The following AGAP4 variants were observed in gnomAD, a reference collection of about 807,000 sequenced individuals.
AGAP4 encodes the protein ArfGAP with GTPase domain, ankyrin repeat and PH domain 4.
A neutral mutation model predicts 60.7 loss-of-function variants in AGAP4; 13 were observed. That is an observed-to-expected ratio of 0.21 (90% confidence interval 0.14 to 0.34). The LOEUF (loss-of-function observed/expected upper bound fraction) is 0.34, where lower values mean the gene tolerates loss of function less well. Among genes scored for constraint, AGAP4 ranks in the 10% least tolerant of loss-of-function variants. The pLI is 1.00. For synonymous variants in AGAP4, 70 were observed against 339.0 expected (o/e 0.21, Z 8.72); for missense variants, 169 against 884.0 (o/e 0.19, Z 10.26).
At chr10:45,850,544 T>C (rs1264760295), upstream of AGAP4, among the ~76,000 whole-genome samples, 1 of 152,130 alleles carries the variant, frequency 6.6e-6, no homozygotes, top group Non-Finnish European at 1.5e-5. Context: ...TGTGTAGTGG[T>C]CTGTATAATA....
At chr10:45,838,039 C>A (rs1418477570) in intron 4 of AGAP4, among the ~76,000 whole-genome samples, 1 of 150,756 alleles carries the variant, frequency 6.6e-6, no homozygotes, top group Non-Finnish European at 1.5e-5. Context: ...GCTCAAATGC[C>A]CGTCAATCAA....
intron 2 of AGAP4, 164 bp from the exon 3 acceptor site, chr10:45,844,558 C>T (rs1590037912): frequency 7.8e-7 from 1 of 1,276,330 alleles, no homozygotes; most frequent in South Asian, 1.5e-5. Context: ...CAAGATGGCA[C>T]ATGCTTGTAG....
At chr10:45,852,238 A>T (rs1208402868), upstream of AGAP4, among the ~76,000 whole-genome samples, 1 of 135,304 alleles carries the variant, frequency 7.4e-6, no homozygotes, top group Non-Finnish European at 1.7e-5. Flanking sequence ...AAAAAAAAAA[A>T]AAAAACTACT....
At chr10:45,848,512 C>T (rs1188731762), upstream of AGAP4, among the ~76,000 whole-genome samples, 1 of 150,562 alleles carries the variant, frequency 6.6e-6, no homozygotes, top group Non-Finnish European at 1.5e-5. Context: ...ACAGTGTCCC[C>T]ACTGTGCTAT....
At chr10:45,831,987 A>G (rs1554897201) in intron 5 of AGAP4, among the ~76,000 whole-genome samples, 1 of 142,138 alleles carries the variant, frequency 7.0e-6, no homozygotes, top group East Asian at 2.1e-4. Context: ...TCGGCTCACC[A>G]CAACCTCTGC....
chr10:45,832,404 G>C (rs1271205971), intron 5 of AGAP4, among the ~76,000 whole-genome samples: 79 of 149,874 alleles, frequency 5.3e-4, no homozygotes, highest in African/African-American at 1.2e-3. Context: ...AGCAGTGGCT[G>C]TCAAACTTTG....
chr10:45,842,594 G>C (rs1395129497), intron 3 of AGAP4, among the ~76,000 whole-genome samples: 1 of 148,882 alleles, frequency 6.7e-6, no homozygotes, highest in Non-Finnish European at 1.5e-5. Context: ...CATGGTGTCT[G>C]CAGCACAAAA....
chr10:45,829,659 T>TTGG (rs1554896825), intron 6 of AGAP4, among the ~76,000 whole-genome samples: 14 of 152,142 alleles, frequency 9.2e-5, no homozygotes, highest in African/African-American at 3.4e-4. Flanking sequence ...GCCAATGCAC[T>TTGG]CCAGCCAAGT....
upstream of AGAP4, chr10:45,848,011 T>G: frequency 1.0e-6 from 1 of 1,003,910 alleles, no homozygotes; most frequent in African/African-American, 1.7e-5. Context: ...ATGAGTTCTA[T>G]ACAAAGCCTC....
At position 45,826,682 on chromosome 10, in the gene AGAP4, C is replaced by T. The variant is rs1453143406; in HGVS notation, c.1294G>A (p.Asp432Asn). 2 of 1,360,532 alleles carry T rather than the reference C, an allele frequency of 1.5e-6. No individual in the cohort carries two copies. Among genetic ancestry groups the T allele is most frequent in the Admixed American group, 3.6e-5 (2 of 55,336 alleles). The allele number at this position is 1,360,532 out of a possible 1,614,324, so 84.3% of individuals were successfully genotyped here. A position where few individuals can be genotyped will look rare whatever the true frequency, so the allele number is the denominator to read the frequency against. ...CTCTGGATGGCTTGGACCCAGGCAT[C>T]CCGCTCCTCATACGTCGTGGCTTCA... ...HFEATTYEER[D>N]AWVQAIQSQI... Residue 432 changes from aspartate (D) to asparagine (N), a missense_variant, in exon 8 of 8, where the codon GAT becomes AAT. Coordinates refer to ENST00000616763, the MANE Select transcript of AGAP4 (RefSeq NM_001276343.3).
rs2135915016 is a variant in AGAP4, at chr10:45,826,636, T to A, written c.1340A>T (p.Gln447Leu). The change falls in exon 8 of 8, where the codon CAG becomes CTG. Residue 447 changes from glutamine to leucine, a missense_variant. Transcript: ENST00000616763. ...AIQSQILASLQSCESSKSKSQ... is the reference protein window; with the variant it reads ...AIQSQILASLLSCESSKSKSQ... ...CTTGCTTTTACTGCTCTCGCATGACTGCAGGCTGGCCAGGATCTGGCTCTG... is the reference window on the plus strand; with the variant it reads ...CTTGCTTTTACTGCTCTCGCATGACAGCAGGCTGGCCAGGATCTGGCTCTG... The A allele has an allele frequency of 1.4e-6, 2 of 1,405,210 alleles. No individual in the cohort carries two copies. Among genetic ancestry groups the A allele is most frequent in the Middle Eastern group, 2.2e-4 (1 of 4,518 alleles). The allele number at this position is 1,405,210 out of a possible 1,614,324, so 87.0% of individuals were successfully genotyped here.
chr10:45,837,094 T>G (rs1415272711), intron 4 of AGAP4, among the ~76,000 whole-genome samples: 10 of 139,766 alleles, frequency 7.2e-5, no homozygotes, highest in Admixed American at 7.0e-5. Flanking sequence ...CTCGAACTCC[T>G]GACCTCATGA....
chr10:45,853,678 A>C lies in AGAP4; in HGVS notation n.198T>G, dbSNP rs1196370212. On this transcript the variant is annotated non_coding_transcript_exon_variant, in exon 1 of 10. Coordinates refer to the AGAP4 transcript ENST00000430779. ...ACCTCCAGAGGAGTCCAGTGGGTCC[A>C]GAAGCCCTTTGGATGTTGGTCAGAA... The C allele has an allele frequency of 3.1e-6, 4 of 1,287,664 alleles. No homozygotes were observed. The African/African-American group carries it at 4.6e-5, about 15-fold the overall frequency. The allele number at this position is 1,287,664 out of a possible 1,614,324, so 79.8% of individuals were successfully genotyped here.
intron 4 of AGAP4, 37 bp from the exon 5 acceptor site, chr10:45,834,153 A>T: frequency 6.8e-7 from 1 of 1,476,886 alleles, no homozygotes; most frequent in Non-Finnish European, 9.2e-7. Context: ...AACTTATCAA[A>T]GTGTATTATT....
Position 45,831,905 on chromosome 10 carries a change from A to G in AGAP4, c.498-476T>C, listed in dbSNP as rs1472243273. Among the ~76,000 whole-genome samples the G allele has an allele frequency of 2.0e-5, 3 of 147,784 alleles. 1 individual carries two copies. Among genetic ancestry groups the G allele is most frequent in the South Asian group, 2.2e-4 (1 of 4,528 alleles). On this transcript the variant is annotated intron_variant, in intron 5 of 7. Coordinates refer to ENST00000616763, the MANE Select transcript of AGAP4 (RefSeq NM_001276343.3). The stretch of plus-strand genomic sequence containing the variant: ...CAAGTTTGTGCCACTATGCCCAGAT[A>G]ATGTTTTTTTGGGGGGTGGGGTGGA...
intron 3 of AGAP4, among the ~76,000 whole-genome samples, chr10:45,843,291 C>A: frequency 3.0e-4 from 1 of 3,308 alleles, no homozygotes. Context: ...AGTGAGACTC[C>A]ATTTCAAAAA....
At chr10:45,847,525 C>A, upstream of AGAP4, 1 of 1,500,560 alleles carries the variant, frequency 6.7e-7, no homozygotes, top group Non-Finnish European at 8.8e-7. Flanking sequence ...GGCCCCGGCC[C>A]CGGCTAGGGC....
intron 6 of AGAP4, among the ~76,000 whole-genome samples, chr10:45,830,141 C>T (rs2058707859): frequency 1.3e-5 from 2 of 149,428 alleles, no homozygotes; most frequent in East Asian, 1.9e-4. Flanking sequence ...CTACCAACTA[C>T]ATATTTGCAT....
chr10:45,838,733 G>C (rs2058867140), intron 4 of AGAP4, among the ~76,000 whole-genome samples: 1 of 151,300 alleles, frequency 6.6e-6, no homozygotes, highest in Non-Finnish European at 1.5e-5. Flanking sequence ...ACCAGGCCTG[G>C]CTAATTTGTT....
Sources: gnomAD v4.1 joint callset for allele counts (sites outside exome capture counted in the v4.1 genomes callset) on GRCh38, gnomAD v4.1.1 for gene constraint, MANE v1.5 for transcripts, NCBI Gene and HGNC (gene_info 2026-07-23, HGNC 2026-07-21) for gene names.